The following VWC2 variants were observed in gnomAD, a reference collection of about 807,000 sequenced individuals.
The protein encoded by VWC2 is brorin.
A neutral mutation model predicts 29.8 loss-of-function variants in VWC2; 14 were observed. That is an observed-to-expected ratio of 0.47 (90% CI 0.31 to 0.74). VWC2 has a LOEUF of 0.74. Among genes scored for constraint, VWC2 ranks in the 30% least tolerant of loss-of-function variants. The pLI, the probability that VWC2 is intolerant of heterozygous loss-of-function variation, is 0.05. For synonymous variants in VWC2, 213 were observed against 199.0 expected, an observed-to-expected ratio of 1.07 and a Z score of -0.59; for missense variants, 457 against 459.8, an observed-to-expected ratio of 0.99 and a Z score of 0.05.
At chr7:49,801,124 C>T (rs780752175) in intron 2 of VWC2, among the ~76,000 whole-genome samples, 3 of 152,208 alleles carry the variant, frequency 2.0e-5, no homozygotes, top group Non-Finnish European at 4.4e-5. Context: ...CATGGTTAAA[C>T]TCCAGTTGAG....
intron 3 of VWC2, among the ~76,000 whole-genome samples, chr7:49,877,462 CAAAAAAAAA>C (rs1169480763): frequency 1.4e-3 from 10 of 7,052 alleles, no homozygotes; most frequent in South Asian, 9.0e-3. Context: ...AACTCTGTCT[CAAAAAAAAA>C]AAAAAAAAAA....
chr7:49,855,265 G>T (rs1266442766), intron 3 of VWC2, among the ~76,000 whole-genome samples: 1 of 152,104 alleles, frequency 6.6e-6, no homozygotes, highest in Non-Finnish European at 1.5e-5. Flanking sequence ...GAAAACACTG[G>T]GTCATAGTTT....
At chr7:49,828,953 G>A (rs1789464814) in intron 3 of VWC2, among the ~76,000 whole-genome samples, 1 of 152,106 alleles carries the variant, frequency 6.6e-6, no homozygotes, top group Non-Finnish European at 1.5e-5. Flanking sequence ...TGCTAAGCCT[G>A]CTTGCTCTGC....
chr7:49,898,611 A>G (rs1792525776), intron 3 of VWC2, among the ~76,000 whole-genome samples: 1 of 152,120 alleles, frequency 6.6e-6, no homozygotes, highest in Non-Finnish European at 1.5e-5. Context: ...ATACACACAC[A>G]CATACCCATA....
chr7:49,774,896 C>T (rs1056792072), intron 1 of VWC2, among the ~76,000 whole-genome samples: 6 of 152,222 alleles, frequency 3.9e-5, no homozygotes, highest in Admixed American at 1.3e-4. Flanking sequence ...CTCTTATCTT[C>T]CTGTACATTC....
chr7:49,782,167 G>A (rs757804891), intron 2 of VWC2, among the ~76,000 whole-genome samples: 1 of 152,236 alleles, frequency 6.6e-6, no homozygotes. Context: ...GCAGCCATCT[G>A]TCAGAGCTGG....
intron 2 of VWC2, among the ~76,000 whole-genome samples, chr7:49,788,897 A>G (rs1414728041): frequency 2.5e-5 from 3 of 120,574 alleles, no homozygotes; most frequent in African/African-American, 9.7e-5. Context: ...GTGTGGAGTG[A>G]GTGTGGGTGT....
chr7:49,849,346 T>C (rs758369359), intron 3 of VWC2, among the ~76,000 whole-genome samples: 7 of 152,212 alleles, frequency 4.6e-5, no homozygotes, highest in Non-Finnish European at 7.3e-5. Flanking sequence ...GGGGCAGCAC[T>C]GGAAATTAGA....
At chr7:49,852,570 G>T (rs1790224617) in intron 3 of VWC2, among the ~76,000 whole-genome samples, 1 of 152,114 alleles carries the variant, frequency 6.6e-6, no homozygotes, top group South Asian at 2.1e-4. Context: ...GCTATTTAGT[G>T]GTTTTTCCTG....
At chr7:49,897,202 T>C (rs985942929) in intron 3 of VWC2, among the ~76,000 whole-genome samples, 2 of 152,218 alleles carry the variant, frequency 1.3e-5, no homozygotes, top group African/African-American at 4.8e-5. Flanking sequence ...GCCGGATTGA[T>C]AATTTTTTAA....
intron 3 of VWC2, among the ~76,000 whole-genome samples, chr7:49,835,539 G>A (rs1269126842): frequency 2.0e-5 from 3 of 152,202 alleles, no homozygotes; most frequent in African/African-American, 7.2e-5. Context: ...TATAAACTGA[G>A]CTCAACTTCA....
chr7:49,845,412 CAAT>C (rs1166337281), intron 3 of VWC2, among the ~76,000 whole-genome samples: 1 of 152,170 alleles, frequency 6.6e-6, no homozygotes, highest in East Asian at 1.9e-4. Context: ...ATTTCAACAA[CAAT>C]GCTTGTGATT....
chr7:49,872,679 G>A (rs541274383), intron 3 of VWC2, among the ~76,000 whole-genome samples: 23 of 151,114 alleles, frequency 1.5e-4, no homozygotes, highest in African/African-American at 5.6e-4. Flanking sequence ...GTCAAGGTGG[G>A]CGGATCACCT....
At chr7:49,780,986 C>T (rs554018929) in intron 2 of VWC2, among the ~76,000 whole-genome samples, 1 of 152,294 alleles carries the variant, frequency 6.6e-6, no homozygotes, top group East Asian at 1.9e-4. Flanking sequence ...TGAGAAAGTG[C>T]CAGCAAAGAG....
At chr7:49,818,929 T>C (rs1363275030) in intron 3 of VWC2, among the ~76,000 whole-genome samples, 3 of 151,506 alleles carry the variant, frequency 2.0e-5, no homozygotes, top group African/African-American at 7.3e-5. Flanking sequence ...TAAAATATTA[T>C]GTAAAGGAAG....
chr7:49,788,800 CTGTG>C (rs566757091), intron 2 of VWC2, among the ~76,000 whole-genome samples: 19 of 119,214 alleles, frequency 1.6e-4, no homozygotes, highest in South Asian at 2.9e-4. Context: ...GTGAGTGTGA[CTGTG>C]TGGGTGCGTG....
chr7:49,852,996 C>T (rs1790255390), intron 3 of VWC2, among the ~76,000 whole-genome samples: 1 of 152,210 alleles, frequency 6.6e-6, no homozygotes, highest in Admixed American at 6.5e-5. Flanking sequence ...CAGTCCAGAG[C>T]CCTTTCCTCT....
At chr7:49,848,722 G>A (rs935187586) in intron 3 of VWC2, among the ~76,000 whole-genome samples, 3 of 152,130 alleles carry the variant, frequency 2.0e-5, no homozygotes, top group African/African-American at 4.8e-5. Context: ...TTTGTGTTTT[G>A]TATGAATCAT....
At chr7:49,852,491 T>C (rs1218618822) in intron 3 of VWC2, among the ~76,000 whole-genome samples, 1 of 152,200 alleles carries the variant, frequency 6.6e-6, no homozygotes, top group East Asian at 1.9e-4. Flanking sequence ...TCTTTCCATC[T>C]TTAAACTAAC....
Sources: gnomAD v4.1 joint callset for allele counts (sites outside exome capture counted in the v4.1 genomes callset) on GRCh38, gnomAD v4.1.1 for gene constraint, MANE v1.5 for transcripts, NCBI Gene and HGNC (gene_info 2026-07-23, HGNC 2026-07-21) for gene names.